Variants in AGBL4 observed in about 807,000 individuals in gnomAD.
AGBL4 encodes the protein AGBL carboxypeptidase 4, also known as cytosolic carboxypeptidase 6.
A neutral mutation model predicts 66.4 loss-of-function variants in AGBL4; 58 were observed. The ratio of observed to expected loss-of-function variants is 0.87; its 90% CI spans 0.71 to 1.09. The LOEUF (loss-of-function observed/expected upper bound fraction) is 1.09. Among genes scored for constraint, AGBL4 ranks in the 50% least tolerant of loss-of-function variants. AGBL4 has a pLI of 0.00. For synonymous variants in AGBL4, 234 were observed against 222.9 expected, an observed-to-expected ratio of 1.05 and a Z score of -0.44; for missense variants, 579 against 631.0, an observed-to-expected ratio of 0.92 and a Z score of 0.88.
chr1:48,799,468 G>T (rs1275597426), intron 6 of AGBL4, among the ~76,000 whole-genome samples: 1 of 152,082 alleles, frequency 6.6e-6, no homozygotes, highest in Non-Finnish European at 1.5e-5. Flanking sequence ...CCTCTTTACT[G>T]ATTTGGATGC....
At chr1:48,771,974 G>C (rs1644859120) in intron 6 of AGBL4, among the ~76,000 whole-genome samples, 1 of 152,196 alleles carries the variant, frequency 6.6e-6, no homozygotes, top group Non-Finnish European at 1.5e-5. Flanking sequence ...GCAGGTTTCT[G>C]TTCTGAAAAA....
At chr1:49,562,252 G>T (rs1296206872) in intron 3 of AGBL4, among the ~76,000 whole-genome samples, 1 of 152,068 alleles carries the variant, frequency 6.6e-6, no homozygotes, top group Admixed American at 6.6e-5. Context: ...CTCCCATTCT[G>T]TAGGTTGCCT....
chr1:49,605,799 C>A (rs545840786), intron 3 of AGBL4, among the ~76,000 whole-genome samples: 1 of 151,900 alleles, frequency 6.6e-6, no homozygotes, highest in Non-Finnish European at 1.5e-5. Context: ...GACAGCTATT[C>A]CAAAAATTAT....
chr1:49,328,309 T>G (rs566473535), intron 3 of AGBL4, among the ~76,000 whole-genome samples: 1 of 152,206 alleles, frequency 6.6e-6, no homozygotes, highest in Non-Finnish European at 1.5e-5. Flanking sequence ...AATACCAATA[T>G]TGGTTATAAT....
intron 6 of AGBL4, chr1:48,759,091 T>A (rs775592004): frequency 3.1e-6 from 5 of 1,612,406 alleles, no homozygotes; most frequent in Non-Finnish European, 4.2e-6. Context: ...GCGCAGCAGC[T>A]CCTCATACAG....
At chr1:48,934,425 A>C (rs1262035921) in intron 5 of AGBL4, among the ~76,000 whole-genome samples, 1 of 152,138 alleles carries the variant, frequency 6.6e-6, no homozygotes, top group African/African-American at 2.4e-5. Flanking sequence ...CTCTAAAGTG[A>C]AATTGGGAGG....
chr1:49,229,102 T>C (rs1259787664), intron 4 of AGBL4, among the ~76,000 whole-genome samples: 1 of 152,102 alleles, frequency 6.6e-6, no homozygotes, highest in South Asian at 2.1e-4. Context: ...AACTCACAAA[T>C]TGCAACTCCT....
At chr1:49,224,450 T>C (rs1649739837) in intron 4 of AGBL4, among the ~76,000 whole-genome samples, 3 of 151,660 alleles carry the variant, frequency 2.0e-5, no homozygotes, top group Admixed American at 2.0e-4. Flanking sequence ...ACCCCAACTC[T>C]ACTAAAAATA....
intron 6 of AGBL4, among the ~76,000 whole-genome samples, chr1:48,719,138 G>A (rs1310245528): frequency 1.3e-5 from 2 of 152,164 alleles, no homozygotes; most frequent in East Asian, 3.8e-4. Context: ...AGACCTGACA[G>A]AGACATGTAC....
chr1:48,850,769 A>G (rs1647015848), intron 6 of AGBL4, among the ~76,000 whole-genome samples: 1 of 152,152 alleles, frequency 6.6e-6, no homozygotes, highest in African/African-American at 2.4e-5. Flanking sequence ...TGCCCGCCTC[A>G]GCCTCCCACC....
At chr1:49,457,373 T>C (rs924883751) in intron 3 of AGBL4, among the ~76,000 whole-genome samples, 1 of 151,886 alleles carries the variant, frequency 6.6e-6, no homozygotes, top group Non-Finnish European at 1.5e-5. Flanking sequence ...GTATATCTTC[T>C]TTTGAGAATT....
chr1:50,014,994 G>T (rs1373561320), intron 1 of AGBL4, among the ~76,000 whole-genome samples: 1 of 152,184 alleles, frequency 6.6e-6, no homozygotes, highest in Non-Finnish European at 1.5e-5. Flanking sequence ...GAGAAAGGAA[G>T]AAATATAGTC....
chr1:49,363,648 T>C (rs1366586786), intron 3 of AGBL4, among the ~76,000 whole-genome samples: 2 of 152,216 alleles, frequency 1.3e-5, no homozygotes, highest in Admixed American at 6.5e-5. Flanking sequence ...ACCTTGAGTC[T>C]TAATTTTCAC....
intron 9 of AGBL4, among the ~76,000 whole-genome samples, chr1:48,615,948 T>C (rs1456675966): frequency 6.6e-6 from 1 of 152,186 alleles, no homozygotes; most frequent in Non-Finnish European, 1.5e-5. Flanking sequence ...ATGGTGGAAG[T>C]AATGAAAGGG....
At chr1:49,256,332 T>C (rs945857514) in intron 3 of AGBL4, among the ~76,000 whole-genome samples, 1 of 151,986 alleles carries the variant, frequency 6.6e-6, no homozygotes, top group Non-Finnish European at 1.5e-5. Context: ...TATATAAAAT[T>C]CAAAAAGGCA....
intron 5 of AGBL4, among the ~76,000 whole-genome samples, chr1:49,005,452 C>T (rs981550682): frequency 2.0e-5 from 3 of 152,180 alleles, no homozygotes; most frequent in Non-Finnish European, 2.9e-5. Flanking sequence ...TTTTGTCTGA[C>T]GTAGCCATAC....
At chr1:49,126,729 A>G (rs953161534) in intron 4 of AGBL4, among the ~76,000 whole-genome samples, 5 of 152,146 alleles carry the variant, frequency 3.3e-5, no homozygotes, top group Admixed American at 6.6e-5. Flanking sequence ...CTCAATTATA[A>G]CATGGTGCCT....
At chr1:49,240,086 A>C (rs1651100547) in intron 4 of AGBL4, among the ~76,000 whole-genome samples, 1 of 152,080 alleles carries the variant, frequency 6.6e-6, no homozygotes, top group African/African-American at 2.4e-5. Flanking sequence ...CCATTATTTC[A>C]GAAAAGACAC....
intron 2 of AGBL4, among the ~76,000 whole-genome samples, chr1:49,741,141 G>T (rs909556364): frequency 6.6e-6 from 1 of 152,032 alleles, no homozygotes; most frequent in African/African-American, 2.4e-5. Context: ...CAACAAAATT[G>T]ATAGACCGCT....
Sources: gnomAD v4.1 joint callset for allele counts (sites outside exome capture counted in the v4.1 genomes callset) on GRCh38, gnomAD v4.1.1 for gene constraint, MANE v1.5 for transcripts, NCBI Gene and HGNC (gene_info 2026-07-23, HGNC 2026-07-21) for gene names.